The following RECQL5 variants were observed in gnomAD, a reference collection of about 807,000 sequenced individuals.
RECQL5 encodes RecQ like helicase 5, also known as ATP-dependent DNA helicase Q5.
In RECQL5, 88 loss-of-function variants were observed where a neutral mutation model predicts 103.4. That is an observed-to-expected ratio of 0.85 (90% confidence interval 0.72 to 1.02). The LOEUF is 1.02. Ranked by LOEUF, RECQL5 falls within the 50% of genes least tolerant of loss-of-function variation. The pLI is 0.00. For synonymous variants in RECQL5, 552 were observed against 507.9 expected, an observed-to-expected ratio of 1.09 and a Z score of -1.17; for missense variants, 1,232 against 1,284.3, an observed-to-expected ratio of 0.96 and a Z score of 0.62.
rs913259536 is a variant in RECQL5 at position 75,661,611 on chromosome 17, T to C, written c.869A>G (p.His290Arg). The C allele has an allele frequency of 5.0e-6, 8 of 1,612,724 alleles. No individual in the cohort carries two copies. The highest frequency in any genetic ancestry group is 6.8e-6 in the Non-Finnish European group (8 of 1,178,900). The change falls in exon 5 of 20, where the codon CAT becomes CGT. Residue 290 changes from histidine to arginine, a missense_variant. Coordinates refer to ENST00000317905, the MANE Select transcript of RECQL5 (RefSeq NM_004259.7). ...GTGGCCTGGGTGCCCCTTACCTGCA[T>C]GGTAAGCCTTGGCGTTCACACCCCT... ...SCRGVNAKAY[H>R]AGLKASERTL...
At chr17:75,647,567 C>T in intron 8 of RECQL5, 1 of 1,549,862 alleles carries the variant, frequency 6.5e-7, no homozygotes, top group Non-Finnish European at 8.7e-7. Context: ...GAGGAGTGAC[C>T]TGACTTGCTG....
At chr17:75,661,403 A>G (rs2059697544) in intron 5 of RECQL5, among the ~76,000 whole-genome samples, 1 of 152,226 alleles carries the variant, frequency 6.6e-6, no homozygotes, top group South Asian at 2.1e-4. Flanking sequence ...TACAGTGGGA[A>G]GAACTCAGGA....
chr17:75,629,134 G>C lies in RECQL5; in HGVS notation c.2289C>G (p.Ser763Arg), dbSNP rs1208483586. The C allele has an allele frequency of 3.1e-6, 5 of 1,613,698 alleles. No homozygotes were observed. The East Asian group carries it at 8.9e-5, about 29-fold the overall frequency. ...CCCTTCGGCAGAAGAAGCGGGCGAT[G>C]CTCTGAGAATCCTTGTGGGCCGCTG... is the stretch of plus-strand genomic sequence containing the variant. ...LATAAHKDSQ[S>R]IARFFCRRVE... The change falls in exon 16 of 20, where the codon AGC becomes AGG. Residue 763 changes from serine (S) to arginine (R), a missense_variant. Ser to Arg is a moderately radical substitution (Grantham distance 110, BLOSUM62 -1). Transcript: ENST00000317905.
Position 75,640,383 on chromosome 17 carries a change from C to T in RECQL5, c.1230-8715G>A, listed in dbSNP as rs1474553857. 1.8e-5 allele frequency: 27 copies of T among 1,475,996 alleles called. No individual in the cohort carries two copies. The highest frequency in any genetic ancestry group is 2.5e-5 in the Admixed American group (1 of 39,276). The allele number at this position is 1,475,996 out of a possible 1,614,324, so 91.4% of individuals were successfully genotyped here. A position where few individuals can be genotyped will look rare whatever the true frequency, so the allele number is the denominator to read the frequency against. On this transcript the variant is annotated intron_variant, in intron 8 of 19. Transcript: ENST00000317905. The surrounding 1 kb of genome is among the most constrained non-coding windows in gnomAD (Gnocchi z 4.6). ...TCTCCCTGGCATCTGGGAGAGACCA[C>T]ACCATGGTGCCAGCCAGAGGGCTGG...
At chr17:75,633,121 C>T (rs2059250910) in intron 8 of RECQL5, among the ~76,000 whole-genome samples, 1 of 152,258 alleles carries the variant, frequency 6.6e-6, no homozygotes, top group African/African-American at 2.4e-5. Flanking sequence ...CCACTCTGCT[C>T]CAATGAGTAA....
In RECQL5 at chr17:75,629,314, C is replaced by G; in HGVS notation, c.2109G>C (p.Glu703Asp). The change falls in exon 16 of 20, where the codon GAG (glutamate) becomes GAC (aspartate). Residue 703 changes from glutamate (E) to aspartate (D), a missense_variant. By Grantham distance (45) the Glu-to-Asp change is conservative. Transcript: ENST00000317905. ...PPSRPCGLLD[E>D]DGSEPLPGPR... ...GCCCAGGGAGGGGCTCACTCCCATC[C>G]TCATCCAGGAGGCCACAGGGCCGGC... The G allele has an allele frequency of 6.4e-7, 1 of 1,552,750 alleles. No homozygotes were observed. Among genetic ancestry groups the G allele is most frequent in the Non-Finnish European group, 8.7e-7 (1 of 1,148,568 alleles).
intron 1 of RECQL5, 127 bp from the exon 2 acceptor site, chr17:75,666,698 G>C: frequency 1.1e-6 from 1 of 908,250 alleles, no homozygotes. Flanking sequence ...TTATTTTTAA[G>C]TAATAAAGCT....
chr17:75,628,834 G>A, intron 16 of RECQL5, 72 bp from the exon 17 acceptor site: 1 of 1,600,774 alleles, frequency 6.2e-7, no homozygotes, highest in Non-Finnish European at 8.5e-7. Flanking sequence ...GCCTAGGAGA[G>A]CCCATCTCAG....
intron 8 of RECQL5, chr17:75,649,922 T>G (rs1321008010): frequency 5.1e-6 from 5 of 985,338 alleles, no homozygotes. Context: ...ACAGGAGAAA[T>G]GAAGGCAGAG....
At chr17:75,653,933 A>G (rs1158086458) in intron 7 of RECQL5, among the ~76,000 whole-genome samples, 1 of 151,986 alleles carries the variant, frequency 6.6e-6, no homozygotes, top group Non-Finnish European at 1.5e-5. Flanking sequence ...AAAAACCCCA[A>G]AAAAACAAAA....
intron 11 of RECQL5, 26 bp downstream of exon 11, chr17:75,630,948 G>C: frequency 1.9e-6 from 3 of 1,611,990 alleles, no homozygotes; most frequent in Non-Finnish European, 2.5e-6. Flanking sequence ...GAGCCCACAA[G>C]CCTCCAGGAA....
intron 8 of RECQL5, chr17:75,650,476 A>G: frequency 7.2e-7 from 1 of 1,387,730 alleles, no homozygotes; most frequent in Non-Finnish European, 9.4e-7. Flanking sequence ...GTCTACCATG[A>G]GCTTCGTGAC....
intron 8 of RECQL5, chr17:75,641,111 G>A: frequency 1.3e-6 from 1 of 794,580 alleles, no homozygotes; most frequent in Non-Finnish European, 1.9e-6. Flanking sequence ...AGTGGACACT[G>A]GGTGCTGGGG....
rs780530935 is a variant in RECQL5 at position 75,627,402 on chromosome 17, C to T, written c.*20G>A. The stretch of plus-strand genomic sequence containing the variant: ...CTAGAATCTGGGGGAGGACGCGGGC[C>T]CTGCCCAGCCAGCAGTTGGTCATCT... On this transcript the variant is annotated 3_prime_UTR_variant, in exon 20 of 20. Transcript: ENST00000317905. 2 of 1,601,600 alleles carry T rather than the reference C, an allele frequency of 1.2e-6. No homozygotes were observed. The highest frequency in any genetic ancestry group is 3.3e-5 in the Admixed American group (2 of 60,006).
chr17:75,661,241 A>T (rs2059695010), intron 5 of RECQL5, among the ~76,000 whole-genome samples, 175 bp from the exon 6 acceptor site: 1 of 152,230 alleles, frequency 6.6e-6, no homozygotes, highest in African/African-American at 2.4e-5. Context: ...GCTGACAGGC[A>T]CAAAGACCCT....
chr17:75,631,548 G>A lies in RECQL5; in HGVS notation c.1350C>T (p.Ser450=). ...VRRRLEALER[S]SSWSKTCIGP... ...CGATGCAGGTCTTGCTCCAGCTGCT[G>A]CTGCGCTCCAAGGCCTCCAGCCGCC... is the stretch of plus-strand genomic sequence containing the variant. The change falls in exon 9 of 20, where the codon AGC becomes AGT. Residue 450 remains serine (S), a synonymous_variant. Coordinates refer to ENST00000317905, the MANE Select transcript of RECQL5 (RefSeq NM_004259.7). The A allele has an allele frequency of 6.2e-7, 1 of 1,613,138 alleles. No individual in the cohort carries two copies. The highest frequency in any genetic ancestry group is 8.5e-7 in the Non-Finnish European group (1 of 1,179,980).
chr17:75,628,305 G>A lies in RECQL5; in HGVS notation c.2718C>T (p.Ser906=), dbSNP rs772969250. 38 of 1,614,036 alleles carry A rather than the reference G, an allele frequency of 2.4e-5. No homozygotes were observed. Among genetic ancestry groups the A allele is most frequent in the East Asian group, 2.0e-4 (9 of 44,890 alleles). ...CCTCCTTCAAGGAGACGCCAGGAGC[G>A]GAGAGCTGGAAGGGGTCTTGAGCCG... ...NPTAQDPFQL[S]APGVSLKEAA... Residue 906 remains serine (S), a synonymous_variant, in exon 18 of 20, where the codon TCC becomes TCT. Transcript: ENST00000317905.
Position 75,631,634 on chromosome 17 carries a change from C to T in RECQL5, c.1264G>A (p.Asp422Asn). 6.2e-7 allele frequency: 1 copy of T among 1,612,008 alleles called. No homozygotes were observed. The highest frequency in any genetic ancestry group is 8.5e-7 in the Non-Finnish European group (1 of 1,179,818). The change falls in exon 9 of 20, where the codon GAT becomes AAT. Residue 422 changes from aspartate to asparagine, a missense_variant. Coordinates refer to ENST00000317905, the MANE Select transcript of RECQL5 (RefSeq NM_004259.7). ...RHAAIAKYFG[D>N]ALPACAKGCD... ...CCTTTGGCGCAGGCAGGCAGCGCAT[C>T]CCCGAAGTACTTGGCAATGGCGGCA...
In RECQL5 at chr17:75,662,972, A is replaced by G. The variant is rs750136431; in HGVS notation, c.278T>C (p.Leu93Pro). The part of the protein sequence containing the change: ...IQDQVDHLLT[L>P]KVRVSSLNSK... Reference sequence around the variant, plus strand: ...GTTCAGGGAACTTACTCGTACCTTTAGGGTTAGCAAGTGGTCCACTTGGTC... The same window carrying G: ...GTTCAGGGAACTTACTCGTACCTTTGGGGTTAGCAAGTGGTCCACTTGGTC... The change falls in exon 4 of 20, where the codon CTA becomes CCA. Residue 93 changes from leucine (L) to proline (P), a missense_variant. Transcript: ENST00000317905. 6.2e-7 allele frequency: 1 copy of G among 1,608,346 alleles called. No homozygotes were observed. The highest frequency in any genetic ancestry group is 1.1e-5 in the South Asian group (1 of 90,316).
Sources: allele counts gnomAD v4.1 joint callset (sites outside exome capture counted in the v4.1 genomes callset), GRCh38; gene constraint gnomAD v4.1.1; non-coding constraint Gnocchi (gnomAD v3.1); transcripts MANE v1.5; gene names NCBI Gene and HGNC (gene_info 2026-07-23, HGNC 2026-07-21).